The following ALKBH8 variants were observed in gnomAD, a reference collection of about 807,000 sequenced individuals.
ALKBH8 encodes the protein alkB homolog 8, tRNA methyltransferase, also known as tRNA (carboxymethyluridine(34)-5-O)-methyltransferase ALKBH8.
Under a neutral mutation model 59.8 loss-of-function variants are expected in ALKBH8, and 36 were observed. The observed-to-expected ratio is 0.60, with a 90% confidence interval of 0.46 to 0.79. The LOEUF (loss-of-function observed/expected upper bound fraction) is 0.79, where lower values mean the gene tolerates loss of function less well. Ranked by LOEUF, ALKBH8 falls within the 30% of genes least tolerant of loss-of-function variation. The probability of loss-of-function intolerance (pLI) is 0.00; values close to 1 mark genes in which losing one functional copy is unlikely to be tolerated. For synonymous variants in ALKBH8, 276 were observed against 273.6 expected (o/e 1.01, Z -0.09); for missense variants, 768 against 801.0 (o/e 0.96, Z 0.50).
Position 107,504,905 on chromosome 11 carries a change from T to C in ALKBH8, c.1748A>G (p.Asn583Ser). 6.4e-7 allele frequency: 1 copy of C among 1,551,912 alleles called. No homozygotes were observed. Among genetic ancestry groups the C allele is most frequent in the East Asian group, 2.4e-5 (1 of 40,924 alleles). ...ATCTTGAGAATAAAAAGAAGTCCTG[T>C]TAACATGAACAGGCAGCTTGGAATT... Reference protein sequence around the residue: ...VSNSKLPVHVNRTSFYSQDVL... With the variant: ...VSNSKLPVHVSRTSFYSQDVL... The change falls in exon 12 of 12, where the codon AAC (asparagine) becomes AGC (serine). Residue 583 changes from asparagine to serine, a missense_variant. Transcript: ENST00000428149.
chr11:107,540,294 A>G (rs1863983660), intron 7 of ALKBH8, among the ~76,000 whole-genome samples: 1 of 152,246 alleles, frequency 6.6e-6, no homozygotes, highest in Admixed American at 6.5e-5. Flanking sequence ...CACCTTTCAA[A>G]TACAACCCTG....
chr11:107,544,263 T>C (rs79352144), intron 7 of ALKBH8, among the ~76,000 whole-genome samples: 7,446 of 152,276 alleles, frequency 0.049, 372 homozygotes, highest in East Asian at 0.22. Flanking sequence ...TATTTTATGA[T>C]GTCATGCCAT....
intron 7 of ALKBH8, among the ~76,000 whole-genome samples, chr11:107,535,143 T>A (rs1325576457): frequency 6.6e-6 from 1 of 152,184 alleles, no homozygotes; most frequent in African/African-American, 2.4e-5. Context: ...ATTTTCTTTA[T>A]CCACTCGTTG....
At chr11:107,510,778 G>T in intron 11 of ALKBH8, 109 bp downstream of exon 11, 2 of 1,163,464 alleles carry the variant, frequency 1.7e-6, no homozygotes, top group South Asian at 3.3e-5. Flanking sequence ...CAAGAAAAGA[G>T]AACGGAAAGA....
At chr11:107,509,702 A>G (rs1862543026) in intron 11 of ALKBH8, among the ~76,000 whole-genome samples, 1 of 152,158 alleles carries the variant, frequency 6.6e-6, no homozygotes. Context: ...ATCCAACTTC[A>G]TTCTTTTCCA....
intron 9 of ALKBH8, among the ~76,000 whole-genome samples, chr11:107,523,050 CAA>C (rs56663802): frequency 0.8 from 117,398 of 146,654 alleles, 47,242 homozygotes; most frequent in South Asian, 0.87. Flanking sequence ...CTGCCTTGCT[CAA>C]AAAAAAAAAA....
intron 9 of ALKBH8, among the ~76,000 whole-genome samples, chr11:107,524,171 G>T (rs116932124): frequency 6.6e-6 from 1 of 151,862 alleles, no homozygotes; most frequent in Admixed American, 6.6e-5. Context: ...CAATCCTCCC[G>T]CCTCAGCTTT....
intron 10 of ALKBH8, among the ~76,000 whole-genome samples, chr11:107,521,312 C>T (rs141987880): frequency 6.6e-6 from 1 of 152,154 alleles, no homozygotes; most frequent in Non-Finnish European, 1.5e-5. Context: ...TGGTATATCA[C>T]TTTTCTCTTA....
intron 1 of ALKBH8, 135 bp downstream of exon 1, chr11:107,565,466 C>A (rs1231887152): frequency 1.6e-6 from 2 of 1,241,832 alleles, no homozygotes; most frequent in Non-Finnish European, 2.2e-6. Flanking sequence ...GCACCAAGGG[C>A]GCCTCTGGGA....
chr11:107,565,704 C>G lies in ALKBH8; in HGVS notation c.-110G>C. 1 of 1,530,908 alleles carries G rather than the reference C, an allele frequency of 6.5e-7. No homozygotes were observed. The highest frequency in any genetic ancestry group is 8.8e-7 in the Non-Finnish European group (1 of 1,142,526). 94.8% of individuals were successfully genotyped at this position (1,530,908 alleles called of 1,614,324 possible). A position where few individuals can be genotyped will look rare whatever the true frequency, so the allele number is the denominator to read the frequency against. ...ACCGCAGCGGATACTTGCACGCCAT[C>G]TCCCCTGGGCGCGGCCATGTTGGAG... On this transcript the variant is annotated 5_prime_UTR_variant, in exon 1 of 12. Transcript: ENST00000428149.
intron 1 of ALKBH8, chr11:107,565,281 C>A: frequency 2.1e-6 from 1 of 470,390 alleles, no homozygotes; most frequent in South Asian, 2.5e-5. Flanking sequence ...TGTCACCGGT[C>A]AGAAAAGCCC....
At chr11:107,563,006 T>C (rs912437930) in intron 1 of ALKBH8, among the ~76,000 whole-genome samples, 1 of 152,038 alleles carries the variant, frequency 6.6e-6, no homozygotes, top group Non-Finnish European at 1.5e-5. Context: ...AACTGGAAAG[T>C]CAGGAGGAGG....
At chr11:107,511,369 A>G (rs1279177922) in intron 10 of ALKBH8, among the ~76,000 whole-genome samples, 1 of 152,160 alleles carries the variant, frequency 6.6e-6, no homozygotes, top group African/African-American at 2.4e-5. Context: ...AATATCACAC[A>G]TTTAAAACTG....
chr11:107,556,120 A>T (rs1236529752), intron 3 of ALKBH8, among the ~76,000 whole-genome samples: 3 of 152,162 alleles, frequency 2.0e-5, no homozygotes, highest in Admixed American at 6.5e-5. Context: ...TCTACTAAAA[A>T]TACAAAAATT....
At chr11:107,560,955 T>G in intron 1 of ALKBH8, 56 bp from the exon 2 acceptor site, 1 of 1,445,272 alleles carries the variant, frequency 6.9e-7, no homozygotes. Flanking sequence ...AAGGAACAAT[T>G]ATAATGATGT....
intron 10 of ALKBH8, among the ~76,000 whole-genome samples, chr11:107,519,098 A>G (rs1862996969): frequency 6.7e-6 from 1 of 148,560 alleles, no homozygotes; most frequent in Non-Finnish European, 1.5e-5. Flanking sequence ...TGCTGGTTAT[A>G]TTTTTTGTTT....
intron 11 of ALKBH8, among the ~76,000 whole-genome samples, chr11:107,508,173 CTTTT>C (rs34261151): frequency 3.0e-5 from 4 of 134,322 alleles, no homozygotes; most frequent in Non-Finnish European, 4.8e-5. Context: ...TTTTCAATGC[CTTTT>C]TTTTTTTTTT....
chr11:107,520,303 C>T (rs1238976600), intron 10 of ALKBH8, among the ~76,000 whole-genome samples: 1 of 152,170 alleles, frequency 6.6e-6, no homozygotes, highest in Non-Finnish European at 1.5e-5. Context: ...GTACGGACTG[C>T]TGCTGATAAA....
In ALKBH8 at chr11:107,560,780, T is replaced by C; in HGVS notation, c.114A>G (p.Val38=). Residue 38 remains valine, a synonymous_variant, in exon 2 of 12, where the codon GTA becomes GTG. Transcript: ENST00000428149. The part of the protein sequence containing the change: ...TLLRHEGIET[V]SYATQSLVVA... ...TTTAGGTCACCTGAGTGGCATAGGA[T>C]ACTGTCTCAATGCCTTCATGTCTCA... The C allele has an allele frequency of 1.9e-6, 3 of 1,612,434 alleles. No homozygotes were observed. The highest frequency in any genetic ancestry group is 2.5e-6 in the Non-Finnish European group (3 of 1,179,150).
Sources: gnomAD v4.1 joint callset for allele counts (sites outside exome capture counted in the v4.1 genomes callset) on GRCh38, gnomAD v4.1.1 for gene constraint, MANE v1.5 for transcripts, NCBI Gene and HGNC (gene_info 2026-07-23, HGNC 2026-07-21) for gene names.